Variants in CDH4 observed in about 807,000 individuals in gnomAD.
CDH4 encodes cadherin-4.
In CDH4, 33 loss-of-function variants were observed where a neutral mutation model predicts 86.0. The ratio of observed to expected loss-of-function variants is 0.38; its 90% CI spans 0.29 to 0.51. CDH4 has a LOEUF of 0.51. Ranked by LOEUF, CDH4 falls within the 20% of genes least tolerant of loss-of-function variation. The pLI, the probability that CDH4 is intolerant of heterozygous loss-of-function variation, is 0.86. For missense variants in CDH4, 1,114 were observed against 1,307.4 expected, an observed-to-expected ratio of 0.85 and a Z score of 2.28; for synonymous variants, 555 against 549.4, an observed-to-expected ratio of 1.01 and a Z score of -0.14.
At chr20:61,626,784 C>T (rs147749498) in intron 2 of CDH4, among the ~76,000 whole-genome samples, 2 of 152,328 alleles carry the variant, frequency 1.3e-5, no homozygotes, top group Non-Finnish European at 2.9e-5. Flanking sequence ...GATAGGAAGG[C>T]AGCCATTGTA....
chr20:61,742,884 ACTGT>A (rs562032152), intron 2 of CDH4, among the ~76,000 whole-genome samples: 160 of 152,282 alleles, frequency 1.1e-3, no homozygotes, highest in Non-Finnish European at 1.9e-3. Context: ...GTATCAATAG[ACTGT>A]CTGACTTCAA....
rs1423143653 is a variant in CDH4 at position 61,501,022 on chromosome 20, C to T, written c.170-242541C>T. Among the ~76,000 whole-genome samples the T allele has an allele frequency of 6.6e-6, 1 of 152,224 alleles. No individual in the cohort carries two copies. Among genetic ancestry groups the T allele is most frequent in the Non-Finnish European group, 1.5e-5 (1 of 68,032 alleles). ...TTCCTGTGTCCACAGCAGGCAGGCC[C>T]TTGGGAATGGCTCTGGTGAAATGGG... is the stretch of plus-strand genomic sequence containing the variant. On this transcript the variant is annotated intron_variant, in intron 2 of 15. Transcript: ENST00000614565. This position sits in a 1 kb window ranked among gnomAD's most constrained non-coding sequence, Gnocchi z 4.2.
In CDH4 at chr20:61,785,128, C is replaced by T. The variant is rs73917513; in HGVS notation, c.576+11946C>T. 7.8e-3 allele frequency among the ~76,000 whole-genome samples: 1,192 copies of T among 152,294 alleles called. 18 individuals are homozygous for T. Among genetic ancestry groups the T allele is most frequent in the African/African-American group, 0.027 (1,128 of 41,558 alleles). On this transcript the variant is annotated intron_variant, in intron 4 of 15. Transcript: ENST00000614565. ...AGCATGTGGCTCTAGGGCTCACCAC[C>T]TCAGTTCATCAGGTCTCTCCTCCGA...
intron 2 of CDH4, among the ~76,000 whole-genome samples, chr20:61,257,616 G>C (rs2084105885): frequency 2.0e-5 from 3 of 152,232 alleles, no homozygotes; most frequent in Admixed American, 1.3e-4. Context: ...TTCACTTATG[G>C]CCCTGATCAC....
intron 4 of CDH4, among the ~76,000 whole-genome samples, chr20:61,813,029 C>T (rs368214837): frequency 5.3e-5 from 8 of 152,348 alleles, no homozygotes; most frequent in African/African-American, 1.4e-4. Flanking sequence ...GGAGTCTCCA[C>T]GCACACATGG....
rs570051043 is a variant in CDH4, at chr20:61,510,224, G to A, written c.170-233339G>A. The stretch of plus-strand genomic sequence containing the variant: ...ATCTATGCGCTCAGCACTCCCGCTC[G>A]TGGAGCTCAGGAAAGGACACCCATG... On this transcript the variant is annotated intron_variant, in intron 2 of 15. Transcript: ENST00000614565. The surrounding 1 kb of genome is among the most constrained non-coding windows in gnomAD (Gnocchi z 4.2). Among the ~76,000 whole-genome samples the A allele has an allele frequency of 7.9e-5, 12 of 152,304 alleles. No individual in the cohort carries two copies. The South Asian group carries it at 1.9e-3, about 24-fold the overall frequency.
At position 61,518,375 on chromosome 20, in the gene CDH4, G is replaced by A. The variant is rs766769004; in HGVS notation, c.170-225188G>A. ...AAAGGAAAGGTACGTTATCAGATAG[G>A]CTGGAATTTGGCCAAATTCTCTGTT... On this transcript the variant is annotated intron_variant, in intron 2 of 15. Coordinates refer to ENST00000614565, the MANE Select transcript of CDH4 (RefSeq NM_001794.5). This position sits in a 1 kb window ranked among gnomAD's most constrained non-coding sequence, Gnocchi z 6.3. 6.6e-6 allele frequency among the ~76,000 whole-genome samples: 1 copy of A among 152,100 alleles called. No homozygotes were observed. Among genetic ancestry groups the A allele is most frequent in the Admixed American group, 6.5e-5 (1 of 15,272 alleles).
rs552566177 is a variant in CDH4 at position 61,680,030 on chromosome 20, C to T, written c.170-63533C>T. On this transcript the variant is annotated intron_variant, in intron 2 of 15. Transcript: ENST00000614565. The stretch of plus-strand genomic sequence containing the variant: ...AGGAAGCTGAGGAGCCTGTCCACAG[C>T]CTGGGGCACCCGGCGGAGAGGAAAG... 2.0e-5 allele frequency among the ~76,000 whole-genome samples: 3 copies of T among 152,338 alleles called. No homozygotes were observed. In the East Asian group the frequency reaches 5.8e-4, roughly 29 times the overall value.
rs976743839 is a variant in CDH4, at chr20:61,688,288, G to A, written c.170-55275G>A. Among the ~76,000 whole-genome samples, 2 of 151,784 alleles carry A rather than the reference G, an allele frequency of 1.3e-5. 1 individual carries two copies. Among genetic ancestry groups the A allele is most frequent in the South Asian group, 4.4e-4 (2 of 4,584 alleles). ...GATCAAGGGAATTTCTCCAGCTGGG[G>A]TCTTTGTCTTTCTCCCTCCTCCCAC... On this transcript the variant is annotated intron_variant, in intron 2 of 15. Coordinates refer to ENST00000614565, the MANE Select transcript of CDH4 (RefSeq NM_001794.5).
At chr20:61,577,131 G>C (rs1342292497) in intron 2 of CDH4, among the ~76,000 whole-genome samples, 1 of 152,206 alleles carries the variant, frequency 6.6e-6, no homozygotes, top group Non-Finnish European at 1.5e-5. Flanking sequence ...TGGATGTTGT[G>C]TGTGTTGAAG....
intron 5 of CDH4, 104 bp downstream of exon 5, chr20:61,844,927 A>G: frequency 8.6e-7 from 1 of 1,157,620 alleles, no homozygotes; most frequent in Non-Finnish European, 1.2e-6. Context: ...CCCTAACTCT[A>G]CAGGCAGCAC....
intron 7 of CDH4, among the ~76,000 whole-genome samples, chr20:61,880,241 G>A (rs760375753): frequency 6.6e-6 from 1 of 152,132 alleles, no homozygotes; most frequent in East Asian, 1.9e-4. Flanking sequence ...CGAGCCTCTC[G>A]TAAGCCCCAC....
At chr20:61,700,434 A>G (rs1423746326) in intron 2 of CDH4, among the ~76,000 whole-genome samples, 1 of 152,054 alleles carries the variant, frequency 6.6e-6, no homozygotes, top group Admixed American at 6.6e-5. Context: ...TCCTTGAAAA[A>G]CGTGTGGATC....
Position 61,829,729 on chromosome 20 carries a change from A to G in CDH4, c.577-14939A>G, listed in dbSNP as rs1420997060. ...CTCTGTGCCGACGCCCGTGGGCTGC[A>G]GACGGGTGGGTGACTGTGGGACCCT... On this transcript the variant is annotated intron_variant, in intron 4 of 15. Coordinates refer to ENST00000614565, the MANE Select transcript of CDH4 (RefSeq NM_001794.5). This position sits in a 1 kb window ranked among gnomAD's most constrained non-coding sequence, Gnocchi z 4.2. 2.0e-5 allele frequency among the ~76,000 whole-genome samples: 3 copies of G among 152,152 alleles called. No individual in the cohort carries two copies. Among genetic ancestry groups the G allele is most frequent in the Non-Finnish European group, 4.4e-5 (3 of 68,004 alleles).
At chr20:61,405,503 G>A (rs991426013) in intron 2 of CDH4, among the ~76,000 whole-genome samples, 3 of 152,080 alleles carry the variant, frequency 2.0e-5, no homozygotes, top group Middle Eastern at 3.4e-3. Flanking sequence ...CGCTGTCACC[G>A]CAGCCCCAAT....
At chr20:61,546,106 G>C (rs1600745951) in intron 2 of CDH4, among the ~76,000 whole-genome samples, 2 of 144,244 alleles carry the variant, frequency 1.4e-5, no homozygotes, top group African/African-American at 2.6e-5. Flanking sequence ...GGAGGGGTGT[G>C]TGTGCATGTG....
intron 2 of CDH4, among the ~76,000 whole-genome samples, chr20:61,281,529 A>G (rs2084258870): frequency 6.6e-6 from 1 of 152,118 alleles, no homozygotes; most frequent in Non-Finnish European, 1.5e-5. Context: ...CAAGGGAAGG[A>G]GCTTTGTGAC....
At position 61,920,809 on chromosome 20, in the gene CDH4, CGTG is replaced by C. The variant is rs571192181; in HGVS notation, c.1375-2638_1375-2636del. 4.1e-3 allele frequency among the ~76,000 whole-genome samples: 517 copies of C among 127,122 alleles called. 2 individuals carry two copies. The highest frequency in any genetic ancestry group is 0.015 in the African/African-American group (484 of 32,692). 83.4% of individuals were successfully genotyped at this position (127,122 alleles called of 152,430 possible). A position where few individuals can be genotyped will look rare whatever the true frequency, so the allele number is the denominator to read the frequency against. The stretch of plus-strand genomic sequence containing the variant: ...TGGTATCATGGTGATTGCGTGGAAG[CGTG>C]GTGTCGTGATTGCATGGAAACGTGG... On this transcript the variant is annotated intron_variant, in intron 9 of 15. Coordinates refer to ENST00000614565, the MANE Select transcript of CDH4 (RefSeq NM_001794.5).
chr20:61,727,033 A>G lies in CDH4; in HGVS notation c.170-16530A>G, dbSNP rs544184900. Among the ~76,000 whole-genome samples the G allele has an allele frequency of 3.3e-5, 5 of 152,074 alleles. No homozygotes were observed. The East Asian group carries it at 9.7e-4, about 29-fold the overall frequency. On this transcript the variant is annotated intron_variant, in intron 2 of 15. Coordinates refer to ENST00000614565, the MANE Select transcript of CDH4 (RefSeq NM_001794.5). Reference sequence around the variant, plus strand: ...AGCCATCACCATTGGTGCTGCCATCATCACCATCGCTGCTATCATCACCAT... The same window carrying G: ...AGCCATCACCATTGGTGCTGCCATCGTCACCATCGCTGCTATCATCACCAT...
Sources: allele counts gnomAD v4.1 joint callset (sites outside exome capture counted in the v4.1 genomes callset), GRCh38; gene constraint gnomAD v4.1.1; non-coding constraint Gnocchi (gnomAD v3.1); transcripts MANE v1.5; gene names NCBI Gene and HGNC (gene_info 2026-07-23, HGNC 2026-07-21).